Variants in LINGO2 observed in about 807,000 individuals in gnomAD.
LINGO2 encodes the protein leucine rich repeat and Ig domain containing 2.
LINGO2 carries 14 observed loss-of-function variants against 30.6 expected under a neutral mutation model. The ratio of observed to expected loss-of-function variants is 0.46; its 90% CI spans 0.30 to 0.72. The LOEUF (loss-of-function observed/expected upper bound fraction) is 0.72. Ranked by LOEUF, LINGO2 falls within the 30% of genes least tolerant of loss-of-function variation. The pLI is 0.07. For synonymous variants in LINGO2, 317 were observed against 288.5 expected, an observed-to-expected ratio of 1.10 and a Z score of -1.00; for missense variants, 729 against 751.7, an observed-to-expected ratio of 0.97 and a Z score of 0.35.
At chr9:28,195,359 A>G (rs891714841) in intron 4 of LINGO2, among the ~76,000 whole-genome samples, 7 of 132,486 alleles carry the variant, frequency 5.3e-5, no homozygotes, top group Non-Finnish European at 8.6e-5. Context: ...AATTCAAGAA[A>G]GTTGCCTTTA....
chr9:28,016,569 G>C (rs907385774), intron 4 of LINGO2, among the ~76,000 whole-genome samples: 5 of 150,808 alleles, frequency 3.3e-5, no homozygotes, highest in Admixed American at 6.7e-5. Flanking sequence ...ATGCACACAA[G>C]CTAGAAAATC....
intron 2 of LINGO2, among the ~76,000 whole-genome samples, chr9:28,418,436 G>A (rs1006739792): frequency 8.6e-5 from 13 of 151,716 alleles, no homozygotes; most frequent in African/African-American, 2.4e-4. Context: ...CCACGACCAC[G>A]CCAGGCTAAT....
the LINGO2 span, among the ~76,000 whole-genome samples, chr9:29,189,877 C>A: frequency 1.3e-4 from 20 of 148,524 alleles, 1 homozygote; most frequent in African/African-American, 5.0e-4. Flanking sequence ...TCAGGCGTGG[C>A]AGCGCGCGCC....
chr9:28,060,417 G>A (rs1419269733), intron 4 of LINGO2, among the ~76,000 whole-genome samples: 1 of 152,026 alleles, frequency 6.6e-6, no homozygotes, highest in Non-Finnish European at 1.5e-5. Flanking sequence ...CAGTACTTTT[G>A]TAAGTGCCCC....
In LINGO2 at chr9:28,636,385, G is replaced by T. The variant is rs201450780; in HGVS notation, c.-365+33815C>A. ...AATGGTATTTCTAGTTCTAGATCCC[G>T]GAGGAATCGCCACACTGACTTCCAC... On this transcript the variant is annotated intron_variant, in intron 1 of 5. Coordinates refer to ENST00000379992, the Ensembl canonical transcript of LINGO2. Among the ~76,000 whole-genome samples the T allele has an allele frequency of 5.9e-5, 9 of 152,130 alleles. No homozygotes were observed. The South Asian group carries it at 6.2e-4, about 11-fold the overall frequency.
the LINGO2 span, among the ~76,000 whole-genome samples, chr9:29,113,005 G>C: frequency 1.4e-4 from 21 of 152,274 alleles, no homozygotes; most frequent in Admixed American, 5.2e-4. Context: ...GAATTTGAAG[G>C]AAAGCAGTAA....
the LINGO2 span, among the ~76,000 whole-genome samples, chr9:28,928,550 T>G: frequency 2.0e-5 from 3 of 152,134 alleles, no homozygotes; most frequent in Non-Finnish European, 4.4e-5. Flanking sequence ...ACACAGGCAC[T>G]GAGGTTCCAC....
At chr9:29,095,760 C>T in the LINGO2 span, among the ~76,000 whole-genome samples, 2 of 138,712 alleles carry the variant, frequency 1.4e-5, no homozygotes, top group South Asian at 2.3e-4. Flanking sequence ...ATTCTGTTTA[C>T]TTCTCCCCAT....
chr9:28,276,290 C>T lies in LINGO2; in HGVS notation c.-87+18918G>A, dbSNP rs768097481. On this transcript the variant is annotated intron_variant, in intron 4 of 5. Coordinates refer to ENST00000379992, the Ensembl canonical transcript of LINGO2. ...ACAGTCAGTCAAAATGCTATGCACA[C>T]GTTGCCTCCCATATGGACCACACAT... Among the ~76,000 whole-genome samples, 170 of 152,278 alleles carry T rather than the reference C, an allele frequency of 1.1e-3. 1 individual carries two copies. The highest frequency in any genetic ancestry group is 3.4e-3 in the Middle Eastern group (1 of 294).
chr9:29,152,975 T>G, the LINGO2 span, among the ~76,000 whole-genome samples: 1 of 152,160 alleles, frequency 6.6e-6, no homozygotes, highest in East Asian at 1.9e-4. Flanking sequence ...TTAATACAAG[T>G]TATTTTCCCT....
At chr9:28,558,937 C>A (rs868713737) in intron 1 of LINGO2, among the ~76,000 whole-genome samples, 3 of 151,834 alleles carry the variant, frequency 2.0e-5, no homozygotes, top group Admixed American at 6.6e-5. Flanking sequence ...GGAAACCATG[C>A]CCCAAATAAA....
chr9:28,522,817 A>C (rs1820875784), intron 1 of LINGO2, among the ~76,000 whole-genome samples: 1 of 152,104 alleles, frequency 6.6e-6, no homozygotes, highest in Admixed American at 6.6e-5. Context: ...TATGAAGGAA[A>C]ACAGCTAGGC....
At chr9:29,177,528 C>A in the LINGO2 span, among the ~76,000 whole-genome samples, 5 of 152,116 alleles carry the variant, frequency 3.3e-5, no homozygotes, top group Non-Finnish European at 7.4e-5. Flanking sequence ...AATGTACAAT[C>A]TTCAGGAACC....
chr9:29,154,376 G>A, the LINGO2 span, among the ~76,000 whole-genome samples: 8 of 151,502 alleles, frequency 5.3e-5, no homozygotes, highest in Non-Finnish European at 1.0e-4. Flanking sequence ...CGTGAACCCG[G>A]GAGGCGGAGC....
chr9:28,469,373 T>A (rs193095753), intron 2 of LINGO2, among the ~76,000 whole-genome samples: 193 of 151,034 alleles, frequency 1.3e-3, no homozygotes, highest in Admixed American at 6.6e-3. Context: ...TCCAAAAAGA[T>A]AAAAGAGAGA....
the LINGO2 span, among the ~76,000 whole-genome samples, chr9:28,819,037 G>C: frequency 6.6e-6 from 1 of 152,052 alleles, no homozygotes; most frequent in African/African-American, 2.4e-5. Context: ...AAGGTTTTCA[G>C]ATGATAGATC....
the LINGO2 span, among the ~76,000 whole-genome samples, chr9:29,079,058 G>T: frequency 6.6e-6 from 1 of 151,912 alleles, no homozygotes; most frequent in Non-Finnish European, 1.5e-5. Flanking sequence ...ATCCAGATAT[G>T]ACTTTCATCA....
chr9:28,354,708 A>G (rs944191374), intron 3 of LINGO2, among the ~76,000 whole-genome samples: 1 of 152,228 alleles, frequency 6.6e-6, no homozygotes, highest in Non-Finnish European at 1.5e-5. Flanking sequence ...AACAAGTTAC[A>G]CATTTTAAAA....
At chr9:28,275,765 T>TA (rs1007366979) in intron 4 of LINGO2, among the ~76,000 whole-genome samples, 4 of 152,312 alleles carry the variant, frequency 2.6e-5, no homozygotes, top group Admixed American at 1.3e-4. Context: ...TTCAAGAAGT[T>TA]AGAGATCGAC....
Sources: gnomAD v4.1 joint callset for allele counts (sites outside exome capture counted in the v4.1 genomes callset) on GRCh38, gnomAD v4.1.1 for gene constraint, MANE v1.5 for transcripts, NCBI Gene and HGNC (gene_info 2026-07-23, HGNC 2026-07-21) for gene names.